Variants in MOB4 observed in about 807,000 individuals in gnomAD.
MOB4 encodes MOB family member 4, phocein, also known as MOB-like protein phocein.
MOB4 carries 4 observed loss-of-function variants against 32.2 expected under a neutral mutation model. The observed-to-expected ratio is 0.12, with a 90% CI of 0.06 to 0.28. The LOEUF (loss-of-function observed/expected upper bound fraction) is 0.28, where lower values mean the gene tolerates loss of function less well. Among genes scored for constraint, MOB4 ranks in the 10% least tolerant of loss-of-function variants. The pLI, the probability that MOB4 is intolerant of heterozygous loss-of-function variation, is 1.00. For synonymous variants in MOB4, 88 were observed against 88.1 expected, an observed-to-expected ratio of 1.00 and a Z score of 0.01; for missense variants, 158 against 271.2, an observed-to-expected ratio of 0.58 and a Z score of 2.93.
chr2:197,544,086 CGCCCAGGCTGGAGTTTCACTCTGTT>C (rs1320663682), intron 5 of MOB4, among the ~76,000 whole-genome samples: 3 of 146,702 alleles, frequency 2.0e-5, no homozygotes, highest in East Asian at 4.1e-4. Flanking sequence ...TTCGCTCTGT[CGCCCAGGCTGGAGTTTCACTCTGTT>C]GCCCAGGCTG....
chr2:197,546,631 C>T (rs1262798796), intron 5 of MOB4, among the ~76,000 whole-genome samples: 1 of 151,614 alleles, frequency 6.6e-6, no homozygotes, highest in Non-Finnish European at 1.5e-5. Flanking sequence ...AACTCCTGGA[C>T]TCAAGTGATC....
In MOB4 at chr2:197,540,361, A is replaced by G. The variant is rs766989588; in HGVS notation, c.278A>G (p.His93Arg). 2 of 1,581,666 alleles carry G rather than the reference A, an allele frequency of 1.3e-6. No individual in the cohort carries two copies. Among genetic ancestry groups the G allele is most frequent in the East Asian group, 2.3e-5 (1 of 44,152 alleles). The change falls in exon 5 of 8, where the codon CAT becomes CGT. Residue 93 changes from histidine (H) to arginine (R), a missense_variant. Coordinates refer to ENST00000323303, the MANE Select transcript of MOB4 (RefSeq NM_015387.5). ...AATTATTTTTAACAGAGTGAATGCC[A>G]TCCAGATACTTGCACTCAAATGACA... is the stretch of plus-strand genomic sequence containing the variant. ...GLAVKLQSECHPDTCTQMTAT... is the reference protein window; with the variant it reads ...GLAVKLQSECRPDTCTQMTAT...
intron 5 of MOB4, among the ~76,000 whole-genome samples, chr2:197,542,860 A>G (rs902531312): frequency 6.6e-5 from 10 of 152,216 alleles, no homozygotes; most frequent in African/African-American, 2.2e-4. Flanking sequence ...GCTAAAAACA[A>G]TGCAAAATGT....
At chr2:197,540,066 G>C in intron 3 of MOB4, 45 bp from the exon 4 acceptor site, 1 of 1,552,240 alleles carries the variant, frequency 6.4e-7, no homozygotes, top group Non-Finnish European at 8.7e-7. Context: ...AAAAATTGCT[G>C]TGAAGAATAG....
At chr2:197,515,911 C>T (rs75909202), upstream of MOB4, 214,047 of 606,576 alleles carry the variant, frequency 0.35, 40,786 homozygotes, top group Middle Eastern at 0.47. Flanking sequence ...GTTCCTCGTT[C>T]GCCCTCTCCC....
At chr2:197,530,088 G>C (rs1334405495) in intron 2 of MOB4, among the ~76,000 whole-genome samples, 1 of 151,248 alleles carries the variant, frequency 6.6e-6, no homozygotes, top group Non-Finnish European at 1.5e-5. Context: ...TCCTCCGTCA[G>C]CCTCCCTAGT....
intron 6 of MOB4, among the ~76,000 whole-genome samples, chr2:197,550,039 A>G (rs2087071288): frequency 6.6e-6 from 1 of 152,208 alleles, no homozygotes; most frequent in Non-Finnish European, 1.5e-5. Flanking sequence ...TTAAACTTTT[A>G]CAAAGTTTCA....
intron 3 of MOB4, among the ~76,000 whole-genome samples, chr2:197,537,274 G>T (rs79068632): frequency 4.6e-5 from 7 of 152,246 alleles, no homozygotes; most frequent in African/African-American, 9.6e-5. Flanking sequence ...AAGTTACTAG[G>T]TGTTTCTTGA....
intron 2 of MOB4, among the ~76,000 whole-genome samples, chr2:197,529,390 C>T (rs1158208248): frequency 6.6e-6 from 1 of 152,000 alleles, no homozygotes; most frequent in East Asian, 1.9e-4. Flanking sequence ...CTCGCTCTGT[C>T]ACCCAGACTG....
At chr2:197,548,030 C>T (rs1185188706) in intron 5 of MOB4, among the ~76,000 whole-genome samples, 1 of 151,994 alleles carries the variant, frequency 6.6e-6, no homozygotes, top group Non-Finnish European at 1.5e-5. Flanking sequence ...AGAAGGCATC[C>T]CTGGAGATAC....
At chr2:197,521,892 A>G (rs1411785739) in intron 1 of MOB4, among the ~76,000 whole-genome samples, 1 of 152,146 alleles carries the variant, frequency 6.6e-6, no homozygotes, top group Non-Finnish European at 1.5e-5. Context: ...AGTTAACACA[A>G]TTATCACAGG....
rs545892596 is a variant in MOB4, at chr2:197,529,798, C to T, written c.124-5732C>T. Among the ~76,000 whole-genome samples the T allele has an allele frequency of 3.9e-5, 6 of 152,026 alleles. No individual in the cohort carries two copies. The East Asian group carries it at 7.8e-4, about 20-fold the overall frequency. On this transcript the variant is annotated intron_variant, in intron 2 of 7. Transcript: ENST00000323303. ...CCTCCCGAGTAGCTGGGACTACAGG[C>T]GCACACCACCGTGCCCAGCTAATTT...
intron 5 of MOB4, among the ~76,000 whole-genome samples, chr2:197,547,590 A>G (rs1309007406): frequency 6.6e-6 from 1 of 152,202 alleles, no homozygotes; most frequent in Non-Finnish European, 1.5e-5. Flanking sequence ...CCGTATTTCT[A>G]AGTGACAGCT....
chr2:197,535,698 T>A, intron 3 of MOB4, 68 bp downstream of exon 3: 1 of 1,529,422 alleles, frequency 6.5e-7, no homozygotes, highest in Non-Finnish European at 8.8e-7. Context: ...ATGATAATTA[T>A]GAATTGTAAA....
chr2:197,518,602 G>A (rs1248730955), intron 1 of MOB4, among the ~76,000 whole-genome samples: 3 of 148,808 alleles, frequency 2.0e-5, no homozygotes, highest in East Asian at 2.0e-4. Flanking sequence ...TCGTTCTGTC[G>A]CCCAGGCTAG....
intron 1 of MOB4, chr2:197,516,373 G>T: frequency 2.1e-6 from 3 of 1,414,418 alleles, no homozygotes; most frequent in Non-Finnish European, 2.8e-6. Flanking sequence ...TGAGGGGCGG[G>T]TGGGGTCTGC....
chr2:197,535,329 G>A (rs185726584), intron 2 of MOB4, among the ~76,000 whole-genome samples: 18 of 152,020 alleles, frequency 1.2e-4, no homozygotes, highest in African/African-American at 4.3e-4. Context: ...TCCAAATGAA[G>A]TTGAATTGAA....
intron 1 of MOB4, chr2:197,516,558 C>T (rs2086416100): frequency 2.0e-6 from 1 of 502,518 alleles, no homozygotes; most frequent in African/African-American, 2.0e-5. Flanking sequence ...GGTGTAAACA[C>T]AGCCTACCTC....
chr2:197,544,989 G>A (rs2086969584), intron 5 of MOB4, among the ~76,000 whole-genome samples: 1 of 152,132 alleles, frequency 6.6e-6, no homozygotes, highest in Non-Finnish European at 1.5e-5. Context: ...AAACAGTTTG[G>A]AAGTTCCTTA....
Sources: gnomAD v4.1 joint callset for allele counts (sites outside exome capture counted in the v4.1 genomes callset) on GRCh38, gnomAD v4.1.1 for gene constraint, MANE v1.5 for transcripts, NCBI Gene and HGNC (gene_info 2026-07-23, HGNC 2026-07-21) for gene names.